The following FGF14 variants were observed in gnomAD, a reference collection of about 807,000 sequenced individuals.
The protein encoded by FGF14 is fibroblast growth factor 14.
In FGF14, 5 loss-of-function variants were observed where a neutral mutation model predicts 25.5. The observed-to-expected ratio is 0.20, with a 90% CI of 0.10 to 0.41. The LOEUF is 0.41. FGF14 is among the 10% of genes least tolerant of loss of function. FGF14 has a pLI of 1.00. For missense variants in FGF14, 222 were observed against 320.1 expected (o/e 0.69, Z 2.34); for synonymous variants, 138 against 118.3 (o/e 1.17, Z -1.08).
chr13:101,854,528 C>T (rs755422764), intron 3 of FGF14, among the ~76,000 whole-genome samples: 13 of 152,056 alleles, frequency 8.5e-5, no homozygotes, highest in Non-Finnish European at 1.6e-4. Context: ...TAATTAATTG[C>T]CACCATTCTG....
chr13:101,850,548 T>G, intron 3 of FGF14, among the ~76,000 whole-genome samples: 1 of 80,644 alleles, frequency 1.2e-5, no homozygotes, highest in African/African-American at 4.3e-5. Context: ...TATATATATA[T>G]ATAGAATTAT....
chr13:102,015,084 TC>T (rs1473532109), intron 1 of FGF14, among the ~76,000 whole-genome samples: 1 of 152,140 alleles, frequency 6.6e-6, no homozygotes, highest in African/African-American at 2.4e-5. Context: ...ATTTTTGTAT[TC>T]TTAGTAGAGA....
intron 1 of FGF14, among the ~76,000 whole-genome samples, chr13:102,284,266 A>G (rs777089776): frequency 1.3e-4 from 20 of 152,208 alleles, no homozygotes; most frequent in Non-Finnish European, 2.4e-4. Context: ...ATAAAACTTC[A>G]TAAGATTATC....
chr13:102,184,852 T>C (rs1361372444), intron 1 of FGF14, among the ~76,000 whole-genome samples: 15 of 152,178 alleles, frequency 9.9e-5, no homozygotes, highest in Admixed American at 9.2e-4. Context: ...AACTACCATA[T>C]GCCAAAATGC....
intron 3 of FGF14, among the ~76,000 whole-genome samples, chr13:101,776,670 G>A (rs2140003020): frequency 6.6e-6 from 1 of 152,320 alleles, no homozygotes; most frequent in African/African-American, 2.4e-5. Flanking sequence ...TCATTGCTGA[G>A]ATCTGGTCGC....
chr13:101,856,043 T>A (rs2044111291), intron 3 of FGF14, among the ~76,000 whole-genome samples: 2 of 151,830 alleles, frequency 1.3e-5, no homozygotes, highest in Admixed American at 1.3e-4. Flanking sequence ...TCCATTTGGC[T>A]TTGCTAACTC....
At position 102,384,787 on chromosome 13, in the gene FGF14, C is replaced by T. The variant is rs114464526; in HGVS notation, c.208+16684G>A. On this transcript the variant is annotated intron_variant, in intron 1 of 4. Coordinates refer to the FGF14 transcript ENST00000376131. ...CAACTTGGAGATCAGCTCTCAAAGT[C>T]ATCACAAGTTGATTAATTTTTAAGG... Among the ~76,000 whole-genome samples, 792 of 152,258 alleles carry T rather than the reference C, an allele frequency of 5.2e-3. 5 individuals carry two copies. The highest frequency in any genetic ancestry group is 0.018 in the African/African-American group (753 of 41,558).
intron 1 of FGF14, among the ~76,000 whole-genome samples, chr13:102,362,165 T>C (rs1473246015): frequency 6.6e-6 from 1 of 152,168 alleles, no homozygotes; most frequent in Non-Finnish European, 1.5e-5. Context: ...CAGGCCCTTA[T>C]AATTATGGCC....
intron 1 of FGF14, among the ~76,000 whole-genome samples, chr13:102,357,454 A>G (rs2057451307): frequency 1.3e-5 from 2 of 152,180 alleles, no homozygotes; most frequent in African/African-American, 4.8e-5. Context: ...CTCCAGAATT[A>G]AATATTTTAA....
rs183442529 is a variant in FGF14 at position 102,033,899 on chromosome 13, G to A, written c.209-158603C>T. 1.8e-4 allele frequency among the ~76,000 whole-genome samples: 27 copies of A among 152,152 alleles called. No homozygotes were observed. In the East Asian group the frequency reaches 4.8e-3, roughly 27 times the overall value. On this transcript the variant is annotated intron_variant, in intron 1 of 4. Transcript: ENST00000376131. ...GAGACGTACAGTGTGGAGAGGTGGG[G>A]CCCATATATTGCATGGTGTCAGAAC...
At chr13:102,171,505 G>A (rs1216328107) in intron 1 of FGF14, among the ~76,000 whole-genome samples, 4 of 151,884 alleles carry the variant, frequency 2.6e-5, no homozygotes, top group Non-Finnish European at 4.4e-5. Context: ...AATCCTTCAG[G>A]AAGAGACAAA....
intron 1 of FGF14, chr13:102,292,509 C>T (rs1456954830): frequency 6.6e-6 from 1 of 152,026 alleles, no homozygotes; most frequent in Non-Finnish European, 1.5e-5. Context: ...TCTGGGCTCT[C>T]GCATATATCT....
At chr13:102,329,912 A>G (rs2056581994) in intron 1 of FGF14, among the ~76,000 whole-genome samples, 1 of 152,042 alleles carries the variant, frequency 6.6e-6, no homozygotes, top group African/African-American at 2.4e-5. Flanking sequence ...CTTCTGGCAA[A>G]ACTCTGATCA....
chr13:102,157,676 A>G (rs1423117294), intron 1 of FGF14, among the ~76,000 whole-genome samples: 1 of 152,242 alleles, frequency 6.6e-6, no homozygotes, highest in Non-Finnish European at 1.5e-5. Context: ...ATTAAACTAA[A>G]GAGCTTCTGC....
chr13:102,265,214 T>C lies in FGF14; in HGVS notation c.208+136257A>G, dbSNP rs1054588864. 3.3e-5 allele frequency among the ~76,000 whole-genome samples: 5 copies of C among 152,262 alleles called. 1 individual carries two copies. The highest frequency in any genetic ancestry group is 1.5e-5 in the Non-Finnish European group (1 of 67,998). ...TCCACTACCCTTTATTTCTCCATTA[T>C]GTTTTTGTGTAAGTAAATTTTGGCG... On this transcript the variant is annotated intron_variant, in intron 1 of 4. Coordinates refer to the FGF14 transcript ENST00000376131.
chr13:102,259,377 T>A (rs541585688), intron 1 of FGF14, among the ~76,000 whole-genome samples: 1 of 152,208 alleles, frequency 6.6e-6, no homozygotes, highest in Non-Finnish European at 1.5e-5. Flanking sequence ...TTTTTTGTTT[T>A]GTTTTGTTTT....
At chr13:102,310,559 C>T (rs1022693787) in intron 1 of FGF14, among the ~76,000 whole-genome samples, 2 of 151,902 alleles carry the variant, frequency 1.3e-5, no homozygotes, top group African/African-American at 4.8e-5. Flanking sequence ...AGAGTTTGTG[C>T]CCACAAGGGA....
intron 1 of FGF14, among the ~76,000 whole-genome samples, chr13:102,259,848 T>C (rs1156912817): frequency 6.6e-6 from 1 of 152,226 alleles, no homozygotes; most frequent in East Asian, 1.9e-4. Context: ...GTACTGTTTC[T>C]ATGACACCCA....
intron 3 of FGF14, chr13:101,868,458 A>G: frequency 2.8e-6 from 1 of 358,394 alleles, no homozygotes; most frequent in Non-Finnish European, 5.2e-6. Flanking sequence ...CTAGAAATAC[A>G]AAAGATTAGA....
Sources: gnomAD v4.1 joint callset for allele counts (sites outside exome capture counted in the v4.1 genomes callset) on GRCh38, gnomAD v4.1.1 for gene constraint, MANE v1.5 for transcripts, NCBI Gene and HGNC (gene_info 2026-07-23, HGNC 2026-07-21) for gene names.